The following CIBAR2 variants were observed in gnomAD, a reference collection of about 807,000 sequenced individuals.
CIBAR2 encodes the protein CBY1-interacting BAR domain-containing protein 2.
In CIBAR2, 38 loss-of-function variants were observed where a neutral mutation model predicts 36.2. The observed-to-expected ratio is 1.05, with a 90% CI of 0.81 to 1.38. The LOEUF (loss-of-function observed/expected upper bound fraction) is 1.38. CIBAR2 is among the 40% of genes most tolerant of loss of function. The probability of loss-of-function intolerance (pLI) is 0.00; values close to 1 mark genes in which losing one functional copy is unlikely to be tolerated. For missense variants in CIBAR2, 481 were observed against 383.4 expected, an observed-to-expected ratio of 1.25 and a Z score of -2.13; for synonymous variants, 182 against 149.5, an observed-to-expected ratio of 1.22 and a Z score of -1.58.
At chr16:85,108,556 C>CTA (rs1040588292) in intron 2 of CIBAR2, among the ~76,000 whole-genome samples, 47 of 152,322 alleles carry the variant, frequency 3.1e-4, no homozygotes, top group African/African-American at 1.1e-3. Context: ...CTGAGCCTTG[C>CTA]TTTGGGGACA....
At chr16:85,102,891 T>G (rs1478104552) in intron 6 of CIBAR2, among the ~76,000 whole-genome samples, 1 of 147,552 alleles carries the variant, frequency 6.8e-6, no homozygotes, top group Non-Finnish European at 1.5e-5. Context: ...GTCCTGGAGA[T>G]CTCTTCACAG....
chr16:85,106,783 A>T (rs939235711), intron 5 of CIBAR2, among the ~76,000 whole-genome samples: 1 of 152,190 alleles, frequency 6.6e-6, no homozygotes, highest in Non-Finnish European at 1.5e-5. Context: ...ACTTTCTAGC[A>T]GAGCTCTCCA....
chr16:85,107,760 C>T (rs1408606930), intron 4 of CIBAR2, 86 bp downstream of exon 4: 10 of 1,587,954 alleles, frequency 6.3e-6, no homozygotes, highest in African/African-American at 4.0e-5. Context: ...GCCCAGCGGG[C>T]CCAGGCAAAG....
chr16:85,102,421 G>T (rs1361153144), intron 6 of CIBAR2, 94 bp from the exon 7 acceptor site: 2 of 763,244 alleles, frequency 2.6e-6, no homozygotes, highest in Non-Finnish European at 4.7e-6. Context: ...GGGTGTGGAG[G>T]GCTGTCCGTG....
intron 5 of CIBAR2, among the ~76,000 whole-genome samples, chr16:85,106,629 A>G (rs2073997838): frequency 6.6e-6 from 1 of 152,144 alleles, no homozygotes; most frequent in South Asian, 2.1e-4. Context: ...GGAAAAGGCG[A>G]GGGCGCAGAC....
rs146138709 is a variant in CIBAR2 at position 85,110,472 on chromosome 16, G to T, written c.21-12C>A. The T allele has an allele frequency of 2.2e-4, 340 of 1,573,286 alleles. No homozygotes were observed. The African/African-American group carries it at 4.0e-3, about 19-fold the overall frequency. On this transcript the variant is annotated splice_polypyrimidine_tract_variant and intron_variant, in intron 1 of 8. Transcript: ENST00000539556. ...TCACCTGGCTGTCCCTGTGGAGGCGGGGACCTGAGCAGCCATTCTGGGCAG... is the reference window on the plus strand; with the variant it reads ...TCACCTGGCTGTCCCTGTGGAGGCGTGGACCTGAGCAGCCATTCTGGGCAG...
intron 8 of CIBAR2, 39 bp from the exon 9 acceptor site, chr16:85,099,385 G>A (rs775036334): frequency 8.9e-7 from 1 of 1,120,990 alleles, no homozygotes; most frequent in East Asian, 2.4e-5. Context: ...AGGCCTTCCT[G>A]GGGCTGTAAG....
In CIBAR2 at chr16:85,107,923, C is replaced by A. The variant is rs778547884; in HGVS notation, c.349G>T (p.Val117Phe). 1 of 1,614,044 alleles carries A rather than the reference C, an allele frequency of 6.2e-7. No homozygotes were observed. The highest frequency in any genetic ancestry group is 1.3e-5 in the African/African-American group (1 of 74,940). The part of the protein sequence containing the change: ...TRAEIKKFKH[V>F]QNHEIKQLEK... ...AGTTGTTTGATCTCATGATTTTGGA[C>A]ATGTTTGAATTTCTTGATCTCAGCC... Residue 117 changes from valine to phenylalanine, a missense_variant, in exon 4 of 9, where the codon GTC becomes TTC. Coordinates refer to ENST00000539556, the MANE Select transcript of CIBAR2 (RefSeq NM_198491.3).
Position 85,110,298 on chromosome 16 carries a change from G to T in CIBAR2, c.183C>A (p.Asn61Lys), listed in dbSNP as rs145597678. 92 of 1,611,360 alleles carry T rather than the reference G, an allele frequency of 5.7e-5. No homozygotes were observed. The African/African-American group carries it at 1.1e-3, about 20-fold the overall frequency. Reference protein sequence around the residue: ...KQLIDFANSENPELRATMRGF... With the variant: ...KQLIDFANSEKPELRATMRGF... ...CCCTCATGGTGGCCCGCAGCTCGGGGTTCTCGGAGTTGGCAAAGTCGATGA... is the reference window on the plus strand; with the variant it reads ...CCCTCATGGTGGCCCGCAGCTCGGGTTTCTCGGAGTTGGCAAAGTCGATGA... Residue 61 changes from asparagine (N) to lysine (K), a missense_variant, in exon 2 of 9, where the codon AAC (asparagine) becomes AAA (lysine). Transcript: ENST00000539556.
rs188702000 is a variant in CIBAR2 at position 85,106,221 on chromosome 16, C to A, written c.433-790G>T. ...TGACCCACATTCGTGTAGGTCAGGA[C>A]TCCCCACGCTCAGCACTAGTGTCCG... On this transcript the variant is annotated intron_variant, in intron 5 of 8. Coordinates refer to ENST00000539556, the MANE Select transcript of CIBAR2 (RefSeq NM_198491.3). 4.6e-3 allele frequency among the ~76,000 whole-genome samples: 702 copies of A among 152,116 alleles called. 7 individuals are homozygous for A. Among genetic ancestry groups the A allele is most frequent in the African/African-American group, 0.016 (665 of 41,476 alleles).
intron 5 of CIBAR2, 104 bp from the exon 6 acceptor site, chr16:85,105,535 TCTC>T (rs1272787778): frequency 1.2e-6 from 1 of 800,538 alleles, no homozygotes; most frequent in Non-Finnish European, 2.0e-6. Flanking sequence ...TCAGGCCAGT[TCTC>T]CTGCCTCAAG....
chr16:85,102,074 G>C (rs2073959731), intron 7 of CIBAR2, 140 bp downstream of exon 7: 5 of 608,570 alleles, frequency 8.2e-6, no homozygotes, highest in Non-Finnish European at 1.5e-5. Context: ...GGCAGATATT[G>C]ACAACGCTTC....
chr16:85,099,039 G>A lies in CIBAR2; in HGVS notation c.*146C>T, dbSNP rs2073932812. 1.0e-6 allele frequency: 1 copy of A among 956,856 alleles called. No homozygotes were observed. The allele number at this position is 956,856 out of a possible 1,614,324, so 59.3% of individuals were successfully genotyped here. On this transcript the variant is annotated 3_prime_UTR_variant, in exon 9 of 9. Coordinates refer to ENST00000539556, the MANE Select transcript of CIBAR2 (RefSeq NM_198491.3). ...CAGCAACAGAATTGAACAAGTAGAA[G>A]AAGGAAATTCAGAGCTTGAAGACAA...
chr16:85,099,373 G>A (rs1428263959), intron 8 of CIBAR2, 27 bp from the exon 9 acceptor site: 2 of 1,273,084 alleles, frequency 1.6e-6, no homozygotes, highest in Non-Finnish European at 2.3e-6. Context: ...GCACCTGATG[G>A]CAGGCCTTCC....
chr16:85,107,861 C>T lies in CIBAR2; in HGVS notation c.411G>A (p.Ser137=), dbSNP rs370219864. The change falls in exon 4 of 9, where the codon TCG becomes TCA. Residue 137 remains serine (S), a synonymous_variant. Transcript: ENST00000539556. ...GGAAGGATACGATCATTTGCTGATC[C>T]GAGGGTGACTTCTGCCTCAGTTTCT... ...KLEKLRQKSP[S]DQQMISQAET... The T allele has an allele frequency of 8.4e-5, 136 of 1,613,636 alleles. No homozygotes were observed. Among genetic ancestry groups the T allele is most frequent in the Non-Finnish European group, 8.4e-5 (99 of 1,179,634 alleles).
intron 5 of CIBAR2, among the ~76,000 whole-genome samples, chr16:85,105,711 G>C (rs75264963): frequency 0.051 from 7,707 of 152,248 alleles, 249 homozygotes; most frequent in African/African-American, 0.094. Flanking sequence ...ACAGAAGACA[G>C]TAATGAGACT....
chr16:85,106,974 C>T (rs552317016), intron 5 of CIBAR2, among the ~76,000 whole-genome samples: 13 of 152,236 alleles, frequency 8.5e-5, no homozygotes, highest in South Asian at 4.1e-4. Flanking sequence ...GGCAAAACCC[C>T]GTCTCTGCTA....
chr16:85,107,003 A>G lies in CIBAR2; in HGVS notation c.432+664T>C, dbSNP rs574388332. On this transcript the variant is annotated intron_variant, in intron 5 of 8. Coordinates refer to ENST00000539556, the MANE Select transcript of CIBAR2 (RefSeq NM_198491.3). ...TCTGCTAAAAATATAAAAATTAGCC[A>G]GGCACAGTGGTGGGCACCTGTAATC... is the stretch of plus-strand genomic sequence containing the variant. Among the ~76,000 whole-genome samples the G allele has an allele frequency of 3.3e-5, 5 of 152,222 alleles. No homozygotes were observed. The East Asian group carries it at 9.7e-4, about 29-fold the overall frequency.
intron 1 of CIBAR2, among the ~76,000 whole-genome samples, chr16:85,111,899 A>G (rs182204564): frequency 9.9e-5 from 15 of 152,226 alleles, no homozygotes; most frequent in Admixed American, 2.0e-4. Context: ...GTTGCCTGGA[A>G]TTCGAACCTC....
Sources: gnomAD v4.1 joint callset for allele counts (sites outside exome capture counted in the v4.1 genomes callset) on GRCh38, gnomAD v4.1.1 for gene constraint, MANE v1.5 for transcripts, NCBI Gene and HGNC (gene_info 2026-07-23, HGNC 2026-07-21) for gene names.